Variants in FAAH2 observed in about 807,000 individuals in gnomAD.
The protein encoded by FAAH2 is fatty-acid amide hydrolase 2.
A neutral mutation model predicts 36.9 loss-of-function variants in FAAH2; 60 were observed. The observed-to-expected ratio is 1.63, with a 90% confidence interval of 1.32 to 2.02. The LOEUF (loss-of-function observed/expected upper bound fraction) is 2.02. Among genes scored for constraint, FAAH2 ranks in the 30% most tolerant of loss-of-function variants. The pLI is 0.00. For missense variants in FAAH2, 689 were observed against 397.5 expected (o/e 1.73, Z -6.23); for synonymous variants, 214 against 143.8 (o/e 1.49, Z -3.49).
the FAAH2 span, among the ~76,000 whole-genome samples, chrX:57,151,381 G>A: frequency 9.0e-5 from 10 of 111,413 alleles, no homozygotes; most frequent in Admixed American, 5.7e-4. Context: ...CATTCTCCCC[G>A]TCACTTTCAG....
rs1339738134 is a variant in FAAH2 at position 57,322,854 on chromosome X, T to C, written c.413-8744T>C. Among the ~76,000 whole-genome samples the C allele has an allele frequency of 1.8e-5, 2 of 110,746 alleles. 1 individual carries two copies. Among genetic ancestry groups the C allele is most frequent in the Middle Eastern group, 8.4e-3 (2 of 237 alleles). On this transcript the variant is annotated intron_variant, in intron 3 of 10. Coordinates refer to ENST00000374900, the MANE Select transcript of FAAH2 (RefSeq NM_174912.4). ...TGTTTTCCTTTTTTTTAATTATACT[T>C]TAAGTTTTAGGGTACAGGTGCACAA...
chrX:57,338,539 C>T (rs188168416), intron 4 of FAAH2, among the ~76,000 whole-genome samples: 12 of 111,598 alleles, frequency 1.1e-4, no homozygotes, highest in African/African-American at 3.6e-4. Flanking sequence ...GATGCGATGG[C>T]TTGGCTTGGG....
At chrX:57,291,988 T>A (rs779993536) in intron 1 of FAAH2, among the ~76,000 whole-genome samples, 1 of 111,257 alleles carries the variant, frequency 9.0e-6, no homozygotes, top group South Asian at 3.7e-4. Flanking sequence ...ATACTTATAT[T>A]AAAAATTACT....
At chrX:57,217,449 G>T in the FAAH2 span, among the ~76,000 whole-genome samples, 1 of 111,741 alleles carries the variant, frequency 8.9e-6, no homozygotes, top group African/African-American at 3.3e-5. Context: ...ATCCTGAGTT[G>T]ATTTTTGAAT....
chrX:57,449,894 G>A (rs1005106475), intron 10 of FAAH2, among the ~76,000 whole-genome samples: 6 of 111,555 alleles, frequency 5.4e-5, no homozygotes, highest in African/African-American at 2.0e-4. Flanking sequence ...TTGAACTCCT[G>A]ACCTCAGATT....
chrX:57,241,690 C>A, the FAAH2 span, among the ~76,000 whole-genome samples: 2 of 111,627 alleles, frequency 1.8e-5, no homozygotes, highest in African/African-American at 6.5e-5. Flanking sequence ...TATTCATCAC[C>A]CCAATCCTAC....
intron 5 of FAAH2, among the ~76,000 whole-genome samples, chrX:57,359,010 G>T (rs1175957424): frequency 4.7e-4 from 52 of 110,973 alleles, no homozygotes; most frequent in Non-Finnish European, 1.3e-4. Context: ...ATCACCTGTA[G>T]CATTTATCCT....
At chrX:57,273,871 G>A in the FAAH2 span, among the ~76,000 whole-genome samples, 3 of 110,985 alleles carry the variant, frequency 2.7e-5, no homozygotes, top group African/African-American at 6.5e-5. Context: ...AGAAGCAAAC[G>A]AATTCAAAAG....
the FAAH2 span, among the ~76,000 whole-genome samples, chrX:57,249,196 A>G: frequency 8.9e-6 from 1 of 111,884 alleles, no homozygotes; most frequent in African/African-American, 3.3e-5. Flanking sequence ...CTATTGTGGC[A>G]GGCCAGGTCT....
chrX:57,243,280 CCCT>C, the FAAH2 span, among the ~76,000 whole-genome samples: 1 of 111,990 alleles, frequency 8.9e-6, no homozygotes, highest in African/African-American at 3.2e-5. Flanking sequence ...ACTTTCATTT[CCCT>C]GGGACAGAGA....
intron 1 of FAAH2, among the ~76,000 whole-genome samples, chrX:57,291,257 A>G (rs1448345660): frequency 2.7e-5 from 3 of 112,011 alleles, no homozygotes; most frequent in Non-Finnish European, 5.7e-5. Flanking sequence ...TTGTATTTGT[A>G]GTATATGCTT....
At chrX:57,349,144 A>G (rs2147088861) in intron 5 of FAAH2, among the ~76,000 whole-genome samples, 1 of 83,280 alleles carries the variant, frequency 1.2e-5, no homozygotes, top group South Asian at 6.2e-4. Flanking sequence ...TATATTATAT[A>G]CATATATATG....
intron 10 of FAAH2, among the ~76,000 whole-genome samples, chrX:57,475,338 A>T (rs2057247121): frequency 8.9e-6 from 1 of 112,161 alleles, no homozygotes; most frequent in East Asian, 2.8e-4. Flanking sequence ...TTTTACATTT[A>T]AGCCTTTAAT....
the FAAH2 span, among the ~76,000 whole-genome samples, chrX:57,169,012 C>A: frequency 9.0e-6 from 1 of 110,913 alleles, no homozygotes; most frequent in South Asian, 3.8e-4. Context: ...AATAAAGATG[C>A]CATCAGGGTT....
the FAAH2 span, among the ~76,000 whole-genome samples, chrX:57,192,616 T>C: frequency 2.7e-5 from 3 of 111,557 alleles, no homozygotes; most frequent in South Asian, 1.1e-3. Flanking sequence ...TATATTGAGG[T>C]ATGTTCCATC....
chrX:57,439,064 G>C (rs186948892), intron 8 of FAAH2, among the ~76,000 whole-genome samples: 1 of 110,762 alleles, frequency 9.0e-6, no homozygotes, highest in African/African-American at 3.3e-5. Context: ...ATAAACATAC[G>C]TGTGCATGTG....
At chrX:57,184,206 G>C in the FAAH2 span, among the ~76,000 whole-genome samples, 5 of 111,746 alleles carry the variant, frequency 4.5e-5, no homozygotes, top group African/African-American at 1.6e-4. Context: ...CAGTGGTTCT[G>C]CTTTTGCCTT....
At chrX:57,324,697 T>C (rs1398667586) in intron 3 of FAAH2, among the ~76,000 whole-genome samples, 1 of 112,461 alleles carries the variant, frequency 8.9e-6, no homozygotes, top group Non-Finnish European at 1.9e-5. Context: ...TTTTATATCC[T>C]GAGACTTTGC....
At chrX:57,288,120 A>G (rs2051862619) in intron 1 of FAAH2, among the ~76,000 whole-genome samples, 1 of 109,586 alleles carries the variant, frequency 9.1e-6, no homozygotes, top group Non-Finnish European at 1.9e-5. Context: ...TTTTGCACCA[A>G]CCTAATAGTA....
Sources: allele counts gnomAD v4.1 joint callset (sites outside exome capture counted in the v4.1 genomes callset), GRCh38; gene constraint gnomAD v4.1.1; transcripts MANE v1.5; gene names NCBI Gene and HGNC (gene_info 2026-07-23, HGNC 2026-07-21).